The following SORCS2 variants were observed in gnomAD, a reference collection of about 807,000 sequenced individuals.
SORCS2 encodes the protein sortilin related VPS10 domain containing receptor 2.
A neutral mutation model predicts 141.6 loss-of-function variants in SORCS2; 100 were observed. That is an observed-to-expected ratio of 0.71 (90% confidence interval 0.60 to 0.83). The LOEUF is 0.83. SORCS2 is among the 40% of genes least tolerant of loss of function. The pLI is 0.00. For missense variants in SORCS2, 1,646 were observed against 1,560.2 expected, an observed-to-expected ratio of 1.05 and a Z score of -0.93; for synonymous variants, 789 against 676.9, an observed-to-expected ratio of 1.17 and a Z score of -2.57.
intron 1 of SORCS2, among the ~76,000 whole-genome samples, chr4:7,336,403 C>G (rs55866152): frequency 0.44 from 53,520 of 122,782 alleles, 10,802 homozygotes; most frequent in East Asian, 0.54. Context: ...CCCTTGGCCC[C>G]GGCTGAGATC....
At chr4:7,449,759 G>A (rs1221842881) in intron 2 of SORCS2, among the ~76,000 whole-genome samples, 2 of 152,020 alleles carry the variant, frequency 1.3e-5, no homozygotes, top group African/African-American at 4.8e-5. Flanking sequence ...AGCCATCTTT[G>A]GCCTCGGAAA....
At chr4:7,356,008 T>A (rs577833346) in intron 1 of SORCS2, among the ~76,000 whole-genome samples, 2 of 152,214 alleles carry the variant, frequency 1.3e-5, no homozygotes, top group Non-Finnish European at 2.9e-5. Context: ...ACTCTGGCCC[T>A]CTTTCTGTCC....
In SORCS2 at chr4:7,634,876, A is replaced by G. The variant is rs192890124; in HGVS notation, c.649-3452A>G. The stretch of plus-strand genomic sequence containing the variant: ...CTTCCTCCCAAGAACCCACAACCCC[A>G]TCCGATGCCCAGAAAAACATCAGAC... On this transcript the variant is annotated intron_variant, in intron 3 of 26. Coordinates refer to ENST00000507866, the MANE Select transcript of SORCS2 (RefSeq NM_020777.3). 3.8e-3 allele frequency among the ~76,000 whole-genome samples: 586 copies of G among 152,236 alleles called. 2 individuals are homozygous for G. Among genetic ancestry groups the G allele is most frequent in the Non-Finnish European group, 6.4e-3 (438 of 68,010 alleles).
chr4:7,531,378 C>T (rs1004279894), intron 2 of SORCS2, among the ~76,000 whole-genome samples, 152 bp from the exon 3 acceptor site: 5 of 152,236 alleles, frequency 3.3e-5, no homozygotes, highest in African/African-American at 7.2e-5. Flanking sequence ...TGTCGGCATA[C>T]ACTGCCCCCA....
chr4:7,489,515 A>G (rs1003672555), intron 2 of SORCS2, among the ~76,000 whole-genome samples: 3 of 152,032 alleles, frequency 2.0e-5, no homozygotes, highest in African/African-American at 7.2e-5. Context: ...TAAATAATCC[A>G]TGTAAACTGT....
intron 4 of SORCS2, among the ~76,000 whole-genome samples, chr4:7,640,732 A>G (rs1279589727): frequency 6.6e-6 from 1 of 152,014 alleles, no homozygotes. Flanking sequence ...GGCCACTCTG[A>G]ACCTAGAACC....
intron 3 of SORCS2, among the ~76,000 whole-genome samples, chr4:7,574,455 GC>G (rs1438731897): frequency 1.3e-5 from 2 of 152,220 alleles, no homozygotes; most frequent in Non-Finnish European, 2.9e-5. Context: ...CCCCTGCCTT[GC>G]TTGGCATGGG....
intron 3 of SORCS2, among the ~76,000 whole-genome samples, chr4:7,587,337 A>G (rs11942830): frequency 0.68 from 103,465 of 152,070 alleles, 36,002 homozygotes; most frequent in Middle Eastern, 0.72. Context: ...CCTGGGTCCC[A>G]TCTTCTGACA....
At chr4:7,443,486 G>A (rs1434335150) in intron 2 of SORCS2, among the ~76,000 whole-genome samples, 1 of 152,198 alleles carries the variant, frequency 6.6e-6, no homozygotes, top group Non-Finnish European at 1.5e-5. Flanking sequence ...AGTTTTGGGA[G>A]CCAGAACCCT....
intron 4 of SORCS2, among the ~76,000 whole-genome samples, chr4:7,653,747 C>T (rs1277606887): frequency 6.6e-6 from 1 of 152,204 alleles, no homozygotes; most frequent in Non-Finnish European, 1.5e-5. Flanking sequence ...CTGCTGTGTC[C>T]TGCTCTGCCA....
rs769656488 is a variant in SORCS2 at position 7,193,035 on chromosome 4, C to T, written c.389C>T (p.Ala130Val). Residue 130 changes from alanine (A) to valine (V), a missense_variant, in exon 1 of 27, where the codon GCG becomes GTG. Physicochemically the swap from Ala to Val is moderately conservative, Grantham distance 64 (BLOSUM62 0). Transcript: ENST00000507866. This position sits in a 1 kb window ranked among gnomAD's most constrained non-coding sequence, Gnocchi z 4.8. ...CCGCTGGCCGGAGTGGCTTCGCGGG[C>T]GCAGGTCTCGCTCATCAGCACGTCG... ...AAPLAGVASRAQVSLISTSFV... is the reference protein window; with the variant it reads ...AAPLAGVASRVQVSLISTSFV... 2.6e-6 allele frequency: 4 copies of T among 1,513,294 alleles called. No individual in the cohort carries two copies. Among genetic ancestry groups the T allele is most frequent in the Admixed American group, 2.1e-5 (1 of 47,904 alleles). The allele number at this position is 1,513,294 out of a possible 1,614,324, so 93.7% of individuals were successfully genotyped here. A position where few individuals can be genotyped will look rare whatever the true frequency, so the allele number is the denominator to read the frequency against.
chr4:7,628,664 T>C (rs1167391663), intron 3 of SORCS2, among the ~76,000 whole-genome samples: 2 of 151,872 alleles, frequency 1.3e-5, no homozygotes, highest in Non-Finnish European at 2.9e-5. Context: ...TCCCTGACCA[T>C]GTGGCCTCGT....
intron 4 of SORCS2, among the ~76,000 whole-genome samples, chr4:7,646,374 C>G (rs1199644951): frequency 1.3e-5 from 2 of 152,196 alleles, no homozygotes; most frequent in African/African-American, 4.8e-5. Flanking sequence ...ATTCTAACCC[C>G]TGGTACAAAA....
chr4:7,740,092 C>A, intron 26 of SORCS2, 108 bp from the exon 27 acceptor site: 1 of 892,116 alleles, frequency 1.1e-6, no homozygotes, highest in Non-Finnish European at 1.8e-6. Context: ...GGGAGGCCCA[C>A]TGCACGTTGG....
chr4:7,507,454 G>A (rs1264126292), intron 2 of SORCS2, among the ~76,000 whole-genome samples: 2 of 152,198 alleles, frequency 1.3e-5, no homozygotes, highest in African/African-American at 2.4e-5. Flanking sequence ...GATTACAGGC[G>A]TGAGCCACTG....
In SORCS2 at chr4:7,663,088, G is replaced by A. The variant is rs185985823; in HGVS notation, c.953-1265G>A. On this transcript the variant is annotated intron_variant, in intron 6 of 26. Transcript: ENST00000507866. The surrounding 1 kb of genome is among the most constrained non-coding windows in gnomAD (Gnocchi z 4.8). ...AGAGTGGGTGAATGAGTGAGTGAGT[G>A]AGTGAATGAGTAAGTGAATGAGAGA... Among the ~76,000 whole-genome samples, 1 of 152,210 alleles carries A rather than the reference G, an allele frequency of 6.6e-6. No homozygotes were observed. The highest frequency in any genetic ancestry group is 6.5e-5 in the Admixed American group (1 of 15,288).
chr4:7,415,196 A>G (rs1725586618), intron 2 of SORCS2, among the ~76,000 whole-genome samples: 2 of 152,210 alleles, frequency 1.3e-5, no homozygotes, highest in Non-Finnish European at 2.9e-5. Context: ...CGTAAAAATG[A>G]CCACAAACAT....
At chr4:7,383,369 C>G (rs1723105643) in intron 1 of SORCS2, among the ~76,000 whole-genome samples, 1 of 152,176 alleles carries the variant, frequency 6.6e-6, no homozygotes, top group African/African-American at 2.4e-5. Flanking sequence ...CAGACAGTGA[C>G]TTCTTCCACC....
At chr4:7,309,689 C>A (rs1375373163) in intron 1 of SORCS2, among the ~76,000 whole-genome samples, 2 of 152,184 alleles carry the variant, frequency 1.3e-5, no homozygotes, top group African/African-American at 4.8e-5. Context: ...TTACCATACA[C>A]CTTCTTTCCT....
Sources: allele counts gnomAD v4.1 joint callset (sites outside exome capture counted in the v4.1 genomes callset), GRCh38; gene constraint gnomAD v4.1.1; non-coding constraint Gnocchi (gnomAD v3.1); transcripts MANE v1.5; gene names NCBI Gene and HGNC (gene_info 2026-07-23, HGNC 2026-07-21).